DCLK1: variants seen among roughly 807,000 people sequenced by gnomAD.
DCLK1 encodes the protein doublecortin like kinase 1.
DCLK1 carries 16 observed loss-of-function variants against 86.2 expected under a neutral mutation model. That is an observed-to-expected ratio of 0.19 (90% CI 0.13 to 0.28). The LOEUF (loss-of-function observed/expected upper bound fraction) is 0.28, where lower values mean the gene tolerates loss of function less well. DCLK1 is among the 10% of genes least tolerant of loss of function. The pLI is 1.00. For missense variants in DCLK1, 590 were observed against 940.2 expected (o/e 0.63, Z 4.87); for synonymous variants, 369 against 370.5 (o/e 1.00, Z 0.05).
chr13:36,113,434 C>G (rs1319417399), intron 2 of DCLK1, among the ~76,000 whole-genome samples: 1 of 152,156 alleles, frequency 6.6e-6, no homozygotes, highest in Non-Finnish European at 1.5e-5. Context: ...TTTCTATTCA[C>G]CTGGCAGATC....
In DCLK1 at chr13:36,049,063, G is replaced by A. The variant is rs1015790098; in HGVS notation, c.723+62806C>T. ...TTTCTCCCTTTAAACTCTATCTCAT[G>A]ACTTCCATGCACTTTCCATCTTATT... On this transcript the variant is annotated intron_variant, in intron 3 of 16. Transcript: ENST00000360631. Among the ~76,000 whole-genome samples the A allele has an allele frequency of 1.3e-4, 20 of 152,082 alleles. No individual in the cohort carries two copies. In the East Asian group the frequency reaches 1.4e-3, roughly 10 times the overall value.
chr13:35,822,189 C>G (rs1443876582), intron 11 of DCLK1, among the ~76,000 whole-genome samples: 2 of 151,950 alleles, frequency 1.3e-5, no homozygotes, highest in Admixed American at 6.6e-5. Context: ...CTCACTCTGT[C>G]ACCCAGACTG....
rs531542306 is a variant in DCLK1, at chr13:35,899,020, C to T, written c.824-27680G>A. 3.9e-5 allele frequency among the ~76,000 whole-genome samples: 6 copies of T among 152,238 alleles called. No homozygotes were observed. The East Asian group carries it at 9.7e-4, about 25-fold the overall frequency. ...CCTCCCAAAGTGCTGGAATTACAGG[C>T]GTGAGCCACCACCCTTAGCATGTGT... On this transcript the variant is annotated intron_variant, in intron 4 of 16. Coordinates refer to ENST00000360631, the MANE Select transcript of DCLK1 (RefSeq NM_001330071.2).
intron 16 of DCLK1, among the ~76,000 whole-genome samples, chr13:35,787,060 T>G (rs1007441087): frequency 6.6e-6 from 1 of 150,974 alleles, no homozygotes; most frequent in Non-Finnish European, 1.5e-5. Flanking sequence ...GGAGTAACAA[T>G]TGGGGCTAAA....
chr13:35,910,188 T>C (rs1874931745), intron 4 of DCLK1, among the ~76,000 whole-genome samples: 1 of 152,156 alleles, frequency 6.6e-6, no homozygotes, highest in Non-Finnish European at 1.5e-5. Flanking sequence ...TACTTTCCGA[T>C]AAAAATTACA....
chr13:36,046,945 A>G (rs1272576912), intron 3 of DCLK1, among the ~76,000 whole-genome samples: 1 of 152,234 alleles, frequency 6.6e-6, no homozygotes, highest in Non-Finnish European at 1.5e-5. Context: ...CACTCTTTCT[A>G]AATAGTCTGG....
intron 3 of DCLK1, among the ~76,000 whole-genome samples, chr13:36,006,476 T>C (rs1880962123): frequency 6.6e-6 from 1 of 152,206 alleles, no homozygotes. Flanking sequence ...GTATGTATGT[T>C]TACATTTATA....
At chr13:35,938,202 C>T (rs1482330666) in intron 4 of DCLK1, among the ~76,000 whole-genome samples, 2 of 152,016 alleles carry the variant, frequency 1.3e-5, no homozygotes, top group Non-Finnish European at 2.9e-5. Flanking sequence ...GTGACTTTGA[C>T]CATAGGGAAG....
At chr13:35,929,871 T>C (rs1030251358) in intron 4 of DCLK1, among the ~76,000 whole-genome samples, 1 of 151,404 alleles carries the variant, frequency 6.6e-6, no homozygotes, top group African/African-American at 2.4e-5. Context: ...TTCTTTTTTT[T>C]TTTTTTACTA....
At chr13:35,787,132 C>A (rs926092085) in intron 16 of DCLK1, among the ~76,000 whole-genome samples, 14 of 150,904 alleles carry the variant, frequency 9.3e-5, no homozygotes, top group Non-Finnish European at 1.8e-4. Flanking sequence ...AACATATATA[C>A]TTTATATGTG....
chr13:35,823,105 C>T (rs548046135), intron 10 of DCLK1, among the ~76,000 whole-genome samples: 1 of 152,178 alleles, frequency 6.6e-6, no homozygotes, highest in African/African-American at 2.4e-5. Context: ...AAAGGGGCAG[C>T]GTGAGGATTC....
rs967422606 is a variant in DCLK1, at chr13:35,842,089, C to T, written c.1036-2913G>A. Among the ~76,000 whole-genome samples, 4 of 151,764 alleles carry T rather than the reference C, an allele frequency of 2.6e-5. No individual in the cohort carries two copies. In the South Asian group the frequency reaches 6.3e-4, roughly 24 times the overall value. On this transcript the variant is annotated intron_variant, in intron 6 of 16. Transcript: ENST00000360631. Reference sequence around the variant, plus strand: ...AAATACAAAAAAAAAATTAGCCAGGCATGGTGGCGGGTGTCTGTAGTCCCA... The same window carrying T: ...AAATACAAAAAAAAAATTAGCCAGGTATGGTGGCGGGTGTCTGTAGTCCCA...
chr13:36,008,215 A>G (rs1166645809), intron 3 of DCLK1, among the ~76,000 whole-genome samples: 4 of 4,116 alleles, frequency 9.7e-4, no homozygotes, highest in African/African-American at 3.9e-3. Context: ...TATTATTATT[A>G]TTATTATTAT....
chr13:35,929,791 G>A (rs1046664811), intron 4 of DCLK1, among the ~76,000 whole-genome samples: 3 of 151,764 alleles, frequency 2.0e-5, no homozygotes, highest in East Asian at 3.9e-4. Flanking sequence ...TTCAGGAAAA[G>A]TGAGACTCAT....
intron 15 of DCLK1, among the ~76,000 whole-genome samples, chr13:35,799,174 A>G (rs1276948911): frequency 6.6e-6 from 1 of 152,226 alleles, no homozygotes; most frequent in Non-Finnish European, 1.5e-5. Context: ...CAATTAAATC[A>G]GAATGTCTGG....
intron 4 of DCLK1, among the ~76,000 whole-genome samples, chr13:35,899,507 A>G (rs1874221813): frequency 6.6e-6 from 1 of 152,206 alleles, no homozygotes; most frequent in African/African-American, 2.4e-5. Context: ...AAAAAGCCTT[A>G]TAAAAATGTG....
At chr13:35,976,770 G>T (rs1367402845) in intron 3 of DCLK1, among the ~76,000 whole-genome samples, 1 of 151,334 alleles carries the variant, frequency 6.6e-6, no homozygotes, top group African/African-American at 2.4e-5. Flanking sequence ...TCTTGACCTC[G>T]TGATCCGCCC....
intron 3 of DCLK1, among the ~76,000 whole-genome samples, chr13:35,951,664 C>G (rs1259694169): frequency 1.3e-5 from 2 of 151,886 alleles, no homozygotes; most frequent in African/African-American, 2.4e-5. Context: ...CTCTTCTTTT[C>G]TAGTATATGT....
At position 35,798,522 on chromosome 13, in the gene DCLK1, T is replaced by A. The variant is rs531786017; in HGVS notation, c.1945-5043A>T. On this transcript the variant is annotated intron_variant, in intron 15 of 16. Coordinates refer to ENST00000360631, the MANE Select transcript of DCLK1 (RefSeq NM_001330071.2). ...ATAGCAGTTCCGCTGCACCTCCCAG[T>A]GTGCTTGACTCCTGTTAACCATCCC... Among the ~76,000 whole-genome samples the A allele has an allele frequency of 7.2e-5, 11 of 152,316 alleles. No homozygotes were observed. In the East Asian group the frequency reaches 2.1e-3, roughly 29 times the overall value.
Sources: allele counts gnomAD v4.1 joint callset (sites outside exome capture counted in the v4.1 genomes callset), GRCh38; gene constraint gnomAD v4.1.1; transcripts MANE v1.5; gene names NCBI Gene and HGNC (gene_info 2026-07-23, HGNC 2026-07-21).